The following FAM151B variants were observed in gnomAD, a reference collection of about 807,000 sequenced individuals.
The protein encoded by FAM151B is family with sequence similarity 151 member B, also known as protein FAM151B.
FAM151B carries 24 observed loss-of-function variants against 31.2 expected under a neutral mutation model. The ratio of observed to expected loss-of-function variants is 0.77; its 90% CI spans 0.56 to 1.08. The LOEUF is 1.08. Among genes scored for constraint, FAM151B ranks in the 50% least tolerant of loss-of-function variants. The pLI, the probability that FAM151B is intolerant of heterozygous loss-of-function variation, is 0.00. For synonymous variants in FAM151B, 105 were observed against 111.4 expected, an observed-to-expected ratio of 0.94 and a Z score of 0.36; for missense variants, 293 against 328.6, an observed-to-expected ratio of 0.89 and a Z score of 0.84.
intron 4 of FAM151B, among the ~76,000 whole-genome samples, 185 bp downstream of exon 4, chr5:80,520,095 G>A (rs6898411): frequency 0.1 from 15,614 of 152,106 alleles, 1,262 homozygotes; most frequent in African/African-American, 0.22. Context: ...CATGTTCACT[G>A]GTGACGCTGC....
chr5:80,501,820 T>G lies in FAM151B; in HGVS notation c.54T>G (p.Tyr18Ter). Residue 18 changes from tyrosine (Y) to a stop codon, truncating the protein, a stop_gained, in exon 2 of 6, where the codon TAT becomes TAG. Transcript: ENST00000282226. LOFTEE classifies it high-confidence loss of function. ...CTTGGAGTGAAAATATACTGGAATA[T>G]TTTCTGAGAAATAGCCAGATTACAG... ...PGSWSENILE[Y>*]FLRNSQITAE... 2 of 1,603,552 alleles carry G rather than the reference T, an allele frequency of 1.2e-6. No individual in the cohort carries two copies. The highest frequency in any genetic ancestry group is 1.7e-6 in the Non-Finnish European group (2 of 1,173,308).
At chr5:80,508,975 GA>G (rs1485115362) in intron 2 of FAM151B, among the ~76,000 whole-genome samples, 1 of 151,710 alleles carries the variant, frequency 6.6e-6, no homozygotes, top group Non-Finnish European at 1.5e-5. Context: ...AACTCATGTT[GA>G]AATTTTTTTT....
chr5:80,491,051 G>A (rs1743314614), intron 1 of FAM151B, among the ~76,000 whole-genome samples: 2 of 151,952 alleles, frequency 1.3e-5, no homozygotes, highest in South Asian at 4.2e-4. Context: ...GCATATTTGC[G>A]AGGTACAATG....
rs138328092 is a variant in FAM151B, at chr5:80,514,905, T to C, written c.317+1136T>C. On this transcript the variant is annotated intron_variant, in intron 3 of 5. Coordinates refer to ENST00000282226, the MANE Select transcript of FAM151B (RefSeq NM_205548.3). ...AATCTTGATATACAGGAGTTTGGATTGACAGGGTCTTGTGAATTAAAGAAC... is the reference window on the plus strand; with the variant it reads ...AATCTTGATATACAGGAGTTTGGATCGACAGGGTCTTGTGAATTAAAGAAC... 1.4e-3 allele frequency among the ~76,000 whole-genome samples: 208 copies of C among 152,304 alleles called. 1 individual carries two copies. The highest frequency in any genetic ancestry group is 4.7e-3 in the African/African-American group (196 of 41,558).
At chr5:80,524,565 T>C (rs1429190657) in intron 5 of FAM151B, among the ~76,000 whole-genome samples, 2 of 152,094 alleles carry the variant, frequency 1.3e-5, no homozygotes, top group East Asian at 1.9e-4. Context: ...AATTATTCCA[T>C]AGAAAAAAAC....
intron 1 of FAM151B, among the ~76,000 whole-genome samples, chr5:80,491,306 C>G (rs1201119575): frequency 6.6e-6 from 1 of 152,022 alleles, no homozygotes; most frequent in Non-Finnish European, 1.5e-5. Context: ...GCCTTGACCT[C>G]CTGGGCTCAA....
intron 4 of FAM151B, among the ~76,000 whole-genome samples, chr5:80,520,873 A>C (rs1047510160): frequency 7.0e-6 from 1 of 142,516 alleles, no homozygotes. Context: ...CAGTGGTGTG[A>C]TCTCAGCTTA....
chr5:80,509,865 C>T (rs1280326402), intron 2 of FAM151B, among the ~76,000 whole-genome samples: 4 of 152,186 alleles, frequency 2.6e-5, no homozygotes, highest in African/African-American at 9.7e-5. Context: ...TATCTTCCAC[C>T]AGTTGCTACA....
rs916475435 is a variant in FAM151B, at chr5:80,492,660, G to A, written c.25+4512G>A. On this transcript the variant is annotated intron_variant, in intron 1 of 5. Transcript: ENST00000282226. ...AGTCACCTGTTTCTCACTTAAAATC[G>A]AAAGCCAGAGGGCTGGGCACAGTGG... is the stretch of plus-strand genomic sequence containing the variant. 2.6e-5 allele frequency among the ~76,000 whole-genome samples: 4 copies of A among 152,186 alleles called. No individual in the cohort carries two copies. In the East Asian group the frequency reaches 7.7e-4, roughly 29 times the overall value.
chr5:80,504,514 C>CTTTTTTTT (rs11340979), intron 2 of FAM151B, among the ~76,000 whole-genome samples: 4 of 58,744 alleles, frequency 6.8e-5, no homozygotes, highest in Non-Finnish European at 9.0e-5. Flanking sequence ...GACTATTACT[C>CTTTTTTTT]TTTTTTTTTT....
chr5:80,538,477 T>TC lies in FAM151B; in HGVS notation c.672-3195dup, dbSNP rs1209243389. On this transcript the variant is annotated intron_variant, in intron 5 of 5. Coordinates refer to ENST00000282226, the MANE Select transcript of FAM151B (RefSeq NM_205548.3). The stretch of plus-strand genomic sequence containing the variant: ...TTCTTTCTTTCTTTCTTTCTTTCTT[T>TC]CTTTCTTTCCTTCCTTCCTTCCTTT... Among the ~76,000 whole-genome samples, 291 of 136,154 alleles carry TC rather than the reference T, an allele frequency of 2.1e-3. 15 individuals are homozygous for TC. Among genetic ancestry groups the TC allele is most frequent in the African/African-American group, 4.3e-3 (153 of 35,242 alleles). 89.3% of individuals were successfully genotyped at this position (136,154 alleles called of 152,430 possible). A position where few individuals can be genotyped will look rare whatever the true frequency, so the allele number is the denominator to read the frequency against.
chr5:80,525,552 A>C (rs1018096675), intron 5 of FAM151B, among the ~76,000 whole-genome samples: 5 of 152,188 alleles, frequency 3.3e-5, no homozygotes, highest in Non-Finnish European at 4.4e-5. Context: ...GTCTCCAAAC[A>C]GTCCAGACTC....
chr5:80,514,277 C>A (rs796742995), intron 3 of FAM151B, among the ~76,000 whole-genome samples: 26 of 151,964 alleles, frequency 1.7e-4, no homozygotes, highest in African/African-American at 5.1e-4. Flanking sequence ...GAGTTTGAGA[C>A]CAGCCTGACC....
chr5:80,528,891 T>C (rs1336938245), intron 5 of FAM151B, among the ~76,000 whole-genome samples: 1 of 152,174 alleles, frequency 6.6e-6, no homozygotes, highest in African/African-American at 2.4e-5. Context: ...GTGGACCTAA[T>C]AGACATCTAC....
chr5:80,536,587 C>T (rs538337618), intron 5 of FAM151B, among the ~76,000 whole-genome samples: 29 of 152,274 alleles, frequency 1.9e-4, no homozygotes, highest in African/African-American at 6.3e-4. Context: ...GGAGAGATAG[C>T]TGTACTTCGA....
chr5:80,538,382 T>TTC (rs1324745992), intron 5 of FAM151B, among the ~76,000 whole-genome samples: 1 of 42,312 alleles, frequency 2.4e-5, no homozygotes, highest in South Asian at 1.1e-3. Context: ...TTTTCTTTCT[T>TTC]TCTTTCTTTC....
chr5:80,507,249 G>T (rs1440907523), intron 2 of FAM151B, among the ~76,000 whole-genome samples: 1 of 152,182 alleles, frequency 6.6e-6, no homozygotes, highest in Admixed American at 6.5e-5. Context: ...TGGACTAGAG[G>T]GTGACTGTGG....
At chr5:80,516,702 T>C (rs1744460295) in intron 3 of FAM151B, among the ~76,000 whole-genome samples, 1 of 152,216 alleles carries the variant, frequency 6.6e-6, no homozygotes. Flanking sequence ...TTAGTACTAA[T>C]ATATGTAAGA....
chr5:80,507,042 C>T (rs981964199), intron 2 of FAM151B, among the ~76,000 whole-genome samples: 3 of 151,084 alleles, frequency 2.0e-5, no homozygotes, highest in Non-Finnish European at 2.9e-5. Context: ...TTGCTTGAAC[C>T]CAGGAAGCAG....
Sources: allele counts gnomAD v4.1 joint callset (sites outside exome capture counted in the v4.1 genomes callset), GRCh38; gene constraint gnomAD v4.1.1; transcripts MANE v1.5; gene names NCBI Gene and HGNC (gene_info 2026-07-23, HGNC 2026-07-21).